The following SESN3 variants were observed in gnomAD, a reference collection of about 807,000 sequenced individuals.
SESN3 encodes sestrin-3.
A neutral mutation model predicts 55.3 loss-of-function variants in SESN3; 21 were observed. The ratio of observed to expected loss-of-function variants is 0.38; its 90% CI spans 0.27 to 0.55. The LOEUF (loss-of-function observed/expected upper bound fraction) is 0.55. SESN3 is among the 20% of genes least tolerant of loss of function. SESN3 has a pLI of 0.76. For missense variants in SESN3, 408 were observed against 604.3 expected (o/e 0.68, Z 3.41); for synonymous variants, 181 against 203.1 (o/e 0.89, Z 0.93).
At position 95,165,666 on chromosome 11, in the gene SESN3, T is replaced by C. The variant is rs545789691; in HGVS notation, c.*7589A>G. ...CCATTGTTCTGTACCTATAAATAGA[T>C]TTTCAAAATGTCATAAAAAGTGCAG... On this transcript the variant is annotated 3_prime_UTR_variant, in exon 10 of 10. Transcript: ENST00000536441. 1 of 152,306 alleles carries C rather than the reference T, an allele frequency of 6.6e-6. No homozygotes were observed. Among genetic ancestry groups the C allele is most frequent in the South Asian group, 2.1e-4 (1 of 4,824 alleles). The allele number at this position is 152,306 out of a possible 1,614,324, so 9.4% of individuals were successfully genotyped here.
chr11:95,214,721 T>G (rs1164127357), intron 1 of SESN3, among the ~76,000 whole-genome samples: 1 of 152,138 alleles, frequency 6.6e-6, no homozygotes, highest in South Asian at 2.1e-4. Flanking sequence ...CATTTCTTCT[T>G]TGATTAAAAA....
At chr11:95,213,398 G>A (rs1860695017) in intron 1 of SESN3, among the ~76,000 whole-genome samples, 1 of 152,132 alleles carries the variant, frequency 6.6e-6, no homozygotes, top group Admixed American at 6.5e-5. Flanking sequence ...CTTTACAAAG[G>A]AAAAAGACAA....
intron 2 of SESN3, among the ~76,000 whole-genome samples, chr11:95,193,037 A>G (rs1442320075): frequency 1.3e-5 from 2 of 152,106 alleles, no homozygotes; most frequent in African/African-American, 2.4e-5. Context: ...GGCAACTTAG[A>G]GCAGCCCCAG....
At position 95,230,927 on chromosome 11, in the gene SESN3, C is replaced by A; in HGVS notation, c.-67G>T. On this transcript the variant is annotated 5_prime_UTR_variant, in exon 1 of 10. Coordinates refer to ENST00000536441, the MANE Select transcript of SESN3 (RefSeq NM_144665.4). The surrounding 1 kb of genome is among the most constrained non-coding windows in gnomAD (Gnocchi z 4.6). ...GTCCGGGCTGTCACTGCGGCCACTGCAGGGCCGGTCCGTCCCCCCGCCGCC... is the reference window on the plus strand; with the variant it reads ...GTCCGGGCTGTCACTGCGGCCACTGAAGGGCCGGTCCGTCCCCCCGCCGCC... 9.5e-7 allele frequency: 1 copy of A among 1,057,546 alleles called. No individual in the cohort carries two copies. The highest frequency in any genetic ancestry group is 4.1e-5 in the Admixed American group (1 of 24,584). The allele number at this position is 1,057,546 out of a possible 1,614,324, so 65.5% of individuals were successfully genotyped here.
intron 4 of SESN3, among the ~76,000 whole-genome samples, chr11:95,189,546 C>T (rs570418133): frequency 1.3e-5 from 2 of 152,010 alleles, no homozygotes; most frequent in African/African-American, 4.8e-5. Context: ...CTATCTACTA[C>T]TTAAAAATAG....
At chr11:95,187,064 C>T (rs1860182220) in intron 4 of SESN3, among the ~76,000 whole-genome samples, 1 of 151,688 alleles carries the variant, frequency 6.6e-6, no homozygotes, top group Non-Finnish European at 1.5e-5. Context: ...GGCCACAGTG[C>T]CATATTAATT....
At chr11:95,208,295 C>G (rs1000092960) in intron 1 of SESN3, among the ~76,000 whole-genome samples, 1 of 151,210 alleles carries the variant, frequency 6.6e-6, no homozygotes. Context: ...AGCTCCAGCA[C>G]GAAGTATTAC....
chr11:95,216,430 A>T (rs1206460524), intron 1 of SESN3, among the ~76,000 whole-genome samples: 1 of 152,228 alleles, frequency 6.6e-6, no homozygotes, highest in Non-Finnish European at 1.5e-5. Context: ...GTAGTTTATT[A>T]AATGCAAAAT....
At chr11:95,175,682 A>G in intron 8 of SESN3, 40 bp from the exon 9 acceptor site, 2 of 1,544,502 alleles carry the variant, frequency 1.3e-6, no homozygotes, top group Non-Finnish European at 1.8e-6. Flanking sequence ...TGACAAAATC[A>G]AAATATTTAG....
In SESN3 at chr11:95,217,737, A is replaced by T. The variant is rs145178469; in HGVS notation, c.78+13046T>A. 8.3e-4 allele frequency among the ~76,000 whole-genome samples: 127 copies of T among 152,100 alleles called. 1 individual carries two copies. Among genetic ancestry groups the T allele is most frequent in the African/African-American group, 3.0e-3 (125 of 41,494 alleles). ...ATAGGGCTTGAATCTTGCACACTGC[A>T]CTAGTTATGTCATGGCTTGATCTGG... is the stretch of plus-strand genomic sequence containing the variant. On this transcript the variant is annotated intron_variant, in intron 1 of 9. Transcript: ENST00000536441.
At chr11:95,232,339 A>G (rs1460412212), upstream of SESN3, 1 of 152,242 alleles carries the variant, frequency 6.6e-6, no homozygotes, top group East Asian at 1.9e-4. Flanking sequence ...CCGATGCTAG[A>G]CGCCCGCAAC....
At position 95,172,557 on chromosome 11, in the gene SESN3, T is replaced by G. The variant is rs1859870510; in HGVS notation, c.*698A>C. Reference sequence around the variant, plus strand: ...TAGAAGAGAAAGAAAATAGCTGAATTTGGCATTTCAGTAGCATGCTATAGA... The same window carrying G: ...TAGAAGAGAAAGAAAATAGCTGAATGTGGCATTTCAGTAGCATGCTATAGA... On this transcript the variant is annotated 3_prime_UTR_variant, in exon 10 of 10. Transcript: ENST00000536441. 6.6e-6 allele frequency: 1 copy of G among 152,208 alleles called. No homozygotes were observed. Among genetic ancestry groups the G allele is most frequent in the Admixed American group, 6.5e-5 (1 of 15,276 alleles). The allele number at this position is 152,208 out of a possible 1,614,324, so 9.4% of individuals were successfully genotyped here. A position where few individuals can be genotyped will look rare whatever the true frequency, so the allele number is the denominator to read the frequency against.
At chr11:95,184,259 G>A (rs1387901769) in intron 6 of SESN3, 161 bp downstream of exon 6, 1 of 638,344 alleles carries the variant, frequency 1.6e-6, no homozygotes, top group African/African-American at 1.8e-5. Context: ...GGATGAACCA[G>A]CCTGAGGGAA....
chr11:95,222,765 C>T (rs1375739435), intron 1 of SESN3, among the ~76,000 whole-genome samples: 4 of 152,082 alleles, frequency 2.6e-5, no homozygotes, highest in African/African-American at 7.2e-5. Flanking sequence ...TTGGAAATGT[C>T]GTCAGACTTT....
At chr11:95,198,081 G>A (rs1485750902) in intron 1 of SESN3, among the ~76,000 whole-genome samples, 1 of 152,016 alleles carries the variant, frequency 6.6e-6, no homozygotes, top group Non-Finnish European at 1.5e-5. Flanking sequence ...TATCCTAGGG[G>A]CCTGCATTCA....
intron 1 of SESN3, among the ~76,000 whole-genome samples, 153 bp from the exon 2 acceptor site, chr11:95,193,675 C>T (rs1000701394): frequency 2.6e-5 from 4 of 151,996 alleles, no homozygotes; most frequent in Admixed American, 6.6e-5. Flanking sequence ...TCAAAGAAAA[C>T]CCATAGGGCC....
Position 95,189,771 on chromosome 11 carries a change from T to C in SESN3, c.525+8A>G. ...AATTCCTTTTTATTTCAAAGAAACA[T>C]TCAGTACCTGAATGTGCTCTTTTGT... On this transcript the variant is annotated splice_region_variant and intron_variant, in intron 4 of 9. Coordinates refer to ENST00000536441, the MANE Select transcript of SESN3 (RefSeq NM_144665.4). The C allele has an allele frequency of 8.9e-6, 14 of 1,578,344 alleles. No homozygotes were observed. Among genetic ancestry groups the C allele is most frequent in the Non-Finnish European group, 1.1e-5 (13 of 1,165,672 alleles).
chr11:95,206,872 T>C (rs1860558451), intron 1 of SESN3, among the ~76,000 whole-genome samples: 1 of 152,104 alleles, frequency 6.6e-6, no homozygotes, highest in Non-Finnish European at 1.5e-5. Flanking sequence ...CTCAGCTCAC[T>C]GTAACCTCCA....
chr11:95,184,384 A>G (rs1860123292), intron 6 of SESN3, 36 bp downstream of exon 6: 1 of 1,600,092 alleles, frequency 6.2e-7, no homozygotes, highest in Non-Finnish European at 8.6e-7. Context: ...CAGGGTTCTA[A>G]GAACAACTAA....
Sources: gnomAD v4.1 joint callset for allele counts (sites outside exome capture counted in the v4.1 genomes callset) on GRCh38, gnomAD v4.1.1 for gene constraint, Gnocchi (gnomAD v3.1) non-coding constraint, MANE v1.5 for transcripts, NCBI Gene and HGNC (gene_info 2026-07-23, HGNC 2026-07-21) for gene names.